The following VPS50 variants were observed in gnomAD, a reference collection of about 807,000 sequenced individuals.
The protein encoded by VPS50 is syndetin.
A neutral mutation model predicts 139.7 loss-of-function variants in VPS50; 70 were observed. The ratio of observed to expected loss-of-function variants is 0.50; its 90% confidence interval spans 0.41 to 0.61. VPS50 has a LOEUF of 0.61. VPS50 is among the 20% of genes least tolerant of loss of function. The pLI, the probability that VPS50 is intolerant of heterozygous loss-of-function variation, is 0.00. For synonymous variants in VPS50, 365 were observed against 376.7 expected (o/e 0.97, Z 0.36); for missense variants, 921 against 1,133.7 (o/e 0.81, Z 2.69).
intron 2 of VPS50, among the ~76,000 whole-genome samples, chr7:93,249,258 C>G (rs1439454011): frequency 6.6e-6 from 1 of 151,658 alleles, no homozygotes; most frequent in African/African-American, 2.4e-5. Context: ...CTTTGGCATT[C>G]TTAATAACTT....
At chr7:93,275,996 T>G (rs954664600) in intron 11 of VPS50, 169 bp from the exon 12 acceptor site, 2 of 592,348 alleles carry the variant, frequency 3.4e-6, no homozygotes, top group Non-Finnish European at 2.9e-6. Context: ...GAAGGATTAT[T>G]TGCAAATAAT....
chr7:93,316,715 G>T (rs1406596701), intron 20 of VPS50, among the ~76,000 whole-genome samples: 1 of 152,172 alleles, frequency 6.6e-6, no homozygotes, highest in East Asian at 1.9e-4. Context: ...GTACCTCTGG[G>T]ACATTTAAGT....
chr7:93,281,848 G>A (rs1254973190), intron 12 of VPS50, among the ~76,000 whole-genome samples: 1 of 152,154 alleles, frequency 6.6e-6, no homozygotes, highest in African/African-American at 2.4e-5. Flanking sequence ...TATATAAGCT[G>A]ATAGCTTTTA....
At chr7:93,280,113 A>G (rs1015966703) in intron 12 of VPS50, among the ~76,000 whole-genome samples, 1 of 152,094 alleles carries the variant, frequency 6.6e-6, no homozygotes, top group Non-Finnish European at 1.5e-5. Context: ...ATTTTCTGCC[A>G]TTTGTTTCTA....
intron 22 of VPS50, among the ~76,000 whole-genome samples, chr7:93,338,123 GAAGA>G (rs1472290540): frequency 1.3e-5 from 2 of 152,028 alleles, no homozygotes; most frequent in Non-Finnish European, 2.9e-5. Flanking sequence ...TCTGAACTAA[GAAGA>G]AAGTTGAGAG....
chr7:93,343,353 CT>C (rs1798285874), intron 23 of VPS50, among the ~76,000 whole-genome samples: 1 of 152,174 alleles, frequency 6.6e-6, no homozygotes, highest in Admixed American at 6.5e-5. Flanking sequence ...AAATCTACGT[CT>C]GATTGGTGTA....
intron 1 of VPS50, among the ~76,000 whole-genome samples, chr7:93,237,699 G>A (rs73415342): frequency 6.6e-6 from 1 of 152,100 alleles, no homozygotes; most frequent in Admixed American, 6.5e-5. Context: ...GTTTATGATG[G>A]TTTTATTGAG....
chr7:93,348,659 G>A (rs1019940077), intron 23 of VPS50, 52 bp from the exon 24 acceptor site: 1 of 1,134,346 alleles, frequency 8.8e-7, no homozygotes. Context: ...AGCATGACAG[G>A]CTCTAAATCC....
intron 20 of VPS50, among the ~76,000 whole-genome samples, chr7:93,323,093 A>G (rs918092851): frequency 1.8e-4 from 27 of 152,112 alleles, no homozygotes; most frequent in Non-Finnish European, 2.5e-4. Context: ...ATTCAGGGCA[A>G]TGGGCAGTAT....
intron 27 of VPS50, among the ~76,000 whole-genome samples, chr7:93,357,527 A>C (rs911863843): frequency 2.6e-5 from 4 of 152,204 alleles, no homozygotes; most frequent in African/African-American, 9.6e-5. Flanking sequence ...ACACAAGCTG[A>C]GCAGTTTGCC....
intron 25 of VPS50, 52 bp from the exon 26 acceptor site, chr7:93,353,588 C>A: frequency 6.4e-7 from 1 of 1,567,552 alleles, no homozygotes; most frequent in Non-Finnish European, 8.7e-7. Context: ...TATGGGAAAG[C>A]ATTGTGGCAT....
intron 2 of VPS50, among the ~76,000 whole-genome samples, chr7:93,242,480 T>G (rs545971941): frequency 8.5e-4 from 121 of 142,170 alleles, no homozygotes; most frequent in Admixed American, 3.5e-3. Context: ...AACTTGGTGA[T>G]ATATATATAT....
At chr7:93,268,650 C>T (rs1350388948) in intron 9 of VPS50, among the ~76,000 whole-genome samples, 1 of 152,146 alleles carries the variant, frequency 6.6e-6, no homozygotes, top group Non-Finnish European at 1.5e-5. Context: ...CTGCAAAGGA[C>T]ATGATCTCAT....
chr7:93,297,313 T>A, intron 16 of VPS50, 70 bp downstream of exon 16: 1 of 1,323,152 alleles, frequency 7.6e-7, no homozygotes, highest in Admixed American at 3.6e-5. Flanking sequence ...ATACTTAATC[T>A]TATAGCATTA....
chr7:93,300,727 C>T (rs1275365521), intron 16 of VPS50, among the ~76,000 whole-genome samples: 2 of 151,272 alleles, frequency 1.3e-5, no homozygotes, highest in African/African-American at 4.8e-5. Context: ...TAAAGTGTGC[C>T]CTTTGTTAAC....
chr7:93,296,091 A>G (rs1289966105), intron 14 of VPS50, among the ~76,000 whole-genome samples: 1 of 152,170 alleles, frequency 6.6e-6, no homozygotes, highest in Non-Finnish European at 1.5e-5. Context: ...GAAAACATAA[A>G]TTTCTTCATG....
intron 20 of VPS50, among the ~76,000 whole-genome samples, chr7:93,317,913 C>A (rs1309044649): frequency 6.6e-6 from 1 of 151,906 alleles, no homozygotes; most frequent in Admixed American, 6.6e-5. Flanking sequence ...AGAAGTATCA[C>A]AATACTTTCT....
intron 20 of VPS50, among the ~76,000 whole-genome samples, chr7:93,312,055 G>A (rs1797284654): frequency 6.6e-6 from 1 of 152,072 alleles, no homozygotes; most frequent in Admixed American, 6.6e-5. Flanking sequence ...TGTTGAAATA[G>A]TCTGTGTTCT....
At chr7:93,321,592 TTGAA>T (rs2117016601) in intron 20 of VPS50, among the ~76,000 whole-genome samples, 1 of 152,368 alleles carries the variant, frequency 6.6e-6, no homozygotes, top group Non-Finnish European at 1.5e-5. Flanking sequence ...AACGCGTTTG[TTGAA>T]TGAATAAATT....
Sources: allele counts gnomAD v4.1 joint callset (sites outside exome capture counted in the v4.1 genomes callset), GRCh38; gene constraint gnomAD v4.1.1; transcripts MANE v1.5; gene names NCBI Gene and HGNC (gene_info 2026-07-23, HGNC 2026-07-21).